Variants in OSM observed in about 807,000 individuals in gnomAD.
The protein encoded by OSM is oncostatin M, also known as oncostatin-M.
Under a neutral mutation model 6.3 loss-of-function variants are expected in OSM, and 1 was observed. That is an observed-to-expected ratio of 0.16 (90% CI 0.06 to 0.76). OSM has a LOEUF of 0.76. Ranked by LOEUF, OSM falls within the 30% of genes least tolerant of loss-of-function variation. The pLI is 0.77. For missense variants in OSM, 324 were observed against 336.9 expected (o/e 0.96, Z 0.30); for synonymous variants, 135 against 143.4 (o/e 0.94, Z 0.42).
rs1929275840 is a variant in OSM at position 30,262,953 on chromosome 22, C to G, written c.*930G>C. ...TAAAAATCGATAAATTAGTCATGTC[C>G]CTCCAAGGAACTGGCCTCGCAGTTT... On this transcript the variant is annotated 3_prime_UTR_variant, in exon 3 of 3. Transcript: ENST00000215781. 6.6e-6 allele frequency: 1 copy of G among 152,654 alleles called. No homozygotes were observed. Among genetic ancestry groups the G allele is most frequent in the Non-Finnish European group, 1.5e-5 (1 of 68,020 alleles). 9.5% of individuals were successfully genotyped at this position (152,654 alleles called of 1,614,324 possible).
In OSM at chr22:30,263,259, C is replaced by T. The variant is rs1220183306; in HGVS notation, c.*624G>A. On this transcript the variant is annotated 3_prime_UTR_variant, in exon 3 of 3. Transcript: ENST00000215781. ...ACTCCCTAGCTTCACAAAGAGAAAA[C>T]AGGTCCACAGAGGTAAAGTGACCTG... 1 of 152,820 alleles carries T rather than the reference C, an allele frequency of 6.5e-6. No homozygotes were observed. Among genetic ancestry groups the T allele is most frequent in the Non-Finnish European group, 1.5e-5 (1 of 68,080 alleles). 9.5% of individuals were successfully genotyped at this position (152,820 alleles called of 1,614,324 possible).
chr22:30,263,728 G>A lies in OSM; in HGVS notation c.*155C>T, dbSNP rs955160539. 1.4e-5 allele frequency: 7 copies of A among 515,730 alleles called. No homozygotes were observed. The highest frequency in any genetic ancestry group is 2.0e-5 in the Non-Finnish European group (6 of 303,724). 31.9% of individuals were successfully genotyped at this position (515,730 alleles called of 1,614,324 possible). On this transcript the variant is annotated 3_prime_UTR_variant, in exon 3 of 3. Coordinates refer to ENST00000215781, the MANE Select transcript of OSM (RefSeq NM_020530.6). ...GTCTCCCAGCCTGGAGGAGGTAGAGGGGTCTGCCCAGCTCCCACCTCTTAA... is the reference window on the plus strand; with the variant it reads ...GTCTCCCAGCCTGGAGGAGGTAGAGAGGTCTGCCCAGCTCCCACCTCTTAA...
At position 30,264,461 on chromosome 22, in the gene OSM, G is replaced by A. The variant is rs200818557; in HGVS notation, c.181C>T (p.Arg61Cys). Residue 61 changes from arginine to cysteine, a missense_variant, in exon 3 of 3, where the codon CGT (arginine) becomes TGT (cysteine). Physicochemically the swap from Arg to Cys is radical, Grantham distance 180. Coordinates refer to ENST00000215781, the MANE Select transcript of OSM (RefSeq NM_020530.6). The stretch of plus-strand genomic sequence containing the variant: ...TTAGGAACATCCAGGCCTTGGATAC[G>A]TATCTGGCGGGAACAGGAGGATCAC... ...DTSRLLDPYIRIQGLDVPKLR... is the reference protein window; with the variant it reads ...DTSRLLDPYICIQGLDVPKLR... 337 of 1,599,624 alleles carry A rather than the reference G, an allele frequency of 2.1e-4. 7 individuals are homozygous for A. The South Asian group carries it at 3.2e-3, about 15-fold the overall frequency.
In OSM at chr22:30,264,060, G is replaced by A; in HGVS notation, c.582C>T (p.Phe194=). The change falls in exon 3 of 3, where the codon TTC becomes TTT. Residue 194 remains phenylalanine (F), a synonymous_variant. Coordinates refer to ENST00000215781, the MANE Select transcript of OSM (RefSeq NM_020530.6). ...AFQRKLEGCR[F]LHGYHRFMHS... is the part of the protein sequence containing the mutation. Reference sequence around the variant, plus strand: ...GCATGAAGCGATGGTAGCCATGCAGGAACCTGCAGCCCTCCAGCTTGCGCT... The same window carrying A: ...GCATGAAGCGATGGTAGCCATGCAGAAACCTGCAGCCCTCCAGCTTGCGCT... 1 of 1,591,616 alleles carries A rather than the reference G, an allele frequency of 6.3e-7. No homozygotes were observed. Among genetic ancestry groups the A allele is most frequent in the Non-Finnish European group, 8.6e-7 (1 of 1,166,136 alleles).
rs1164309864 is a variant in OSM, at chr22:30,266,474, C to T, written c.34+292G>A. Among the ~76,000 whole-genome samples, 1 of 152,200 alleles carries T rather than the reference C, an allele frequency of 6.6e-6. No individual in the cohort carries two copies. Among genetic ancestry groups the T allele is most frequent in the Non-Finnish European group, 1.5e-5 (1 of 68,026 alleles). On this transcript the variant is annotated intron_variant, in intron 1 of 2. Transcript: ENST00000215781. The surrounding 1 kb of genome is among the most constrained non-coding windows in gnomAD (Gnocchi z 5.0). ...TGAGCCTCCCTCTCCTGCCCAGCCTCTTTGCCCATCCTATTCTCTCACCCC... is the reference window on the plus strand; with the variant it reads ...TGAGCCTCCCTCTCCTGCCCAGCCTTTTTGCCCATCCTATTCTCTCACCCC...
Position 30,264,003 on chromosome 22 carries a change from C to A in OSM, c.639G>T (p.Gly213=), listed in dbSNP as rs779182957. ...GTCTCCGGCTCCGGTTCGGGCTCTC[C>A]CCCCACTTGCTGAAGACCCGCCCCA... ...HSVGRVFSKW[G]ESPNRSRRHS... The change falls in exon 3 of 3, where the codon GGG becomes GGT. Residue 213 remains glycine (G), a synonymous_variant. Coordinates refer to ENST00000215781, the MANE Select transcript of OSM (RefSeq NM_020530.6). 1 of 1,558,244 alleles carries A rather than the reference C, an allele frequency of 6.4e-7. No homozygotes were observed. Among genetic ancestry groups the A allele is most frequent in the Non-Finnish European group, 8.7e-7 (1 of 1,150,392 alleles).
In OSM at chr22:30,265,193, G is replaced by A. The variant is rs376625562; in HGVS notation, c.35-49C>T. 6.3e-6 allele frequency: 10 copies of A among 1,583,752 alleles called. No individual in the cohort carries two copies. In the African/African-American group the frequency reaches 1.1e-4, roughly 17 times the overall value. ...ACCTGACTTGGTGAGGAAAGCCACA[G>A]ATGGGAGCCTCGGGGAGGGGGTTCA... On this transcript the variant is annotated intron_variant, in intron 1 of 2. Coordinates refer to ENST00000215781, the MANE Select transcript of OSM (RefSeq NM_020530.6).
At chr22:30,264,887 A>G in intron 2 of OSM, 115 bp downstream of exon 2, 1 of 1,274,246 alleles carries the variant, frequency 7.8e-7, no homozygotes, top group Non-Finnish European at 1.1e-6. Context: ...ATAGCGACTC[A>G]GTTCCCCGAC....
Position 30,262,945 on chromosome 22 carries a change from G to T in OSM, c.*938C>A, listed in dbSNP as rs1231374416. On this transcript the variant is annotated 3_prime_UTR_variant, in exon 3 of 3. Transcript: ENST00000215781. ...AAAATTGATAAAAATCGATAAATTAGTCATGTCCCTCCAAGGAACTGGCCT... is the reference window on the plus strand; with the variant it reads ...AAAATTGATAAAAATCGATAAATTATTCATGTCCCTCCAAGGAACTGGCCT... 6.5e-6 allele frequency: 1 copy of T among 152,782 alleles called. No homozygotes were observed. Among genetic ancestry groups the T allele is most frequent in the East Asian group, 1.9e-4 (1 of 5,342 alleles). The allele number at this position is 152,782 out of a possible 1,614,324, so 9.5% of individuals were successfully genotyped here. A position where few individuals can be genotyped will look rare whatever the true frequency, so the allele number is the denominator to read the frequency against.
Position 30,266,690 on chromosome 22 carries a change from G to A in OSM, c.34+76C>T. ...CCTCCCCAGTTCCCGGAGGGCAGAG[G>A]GTGCCTCTGCTCCCCACCGGCACCC... On this transcript the variant is annotated intron_variant, in intron 1 of 2. Coordinates refer to ENST00000215781, the MANE Select transcript of OSM (RefSeq NM_020530.6). The surrounding 1 kb of genome is among the most constrained non-coding windows in gnomAD (Gnocchi z 5.0). 6.5e-7 allele frequency: 1 copy of A among 1,541,686 alleles called. No individual in the cohort carries two copies. The highest frequency in any genetic ancestry group is 8.9e-7 in the Non-Finnish European group (1 of 1,118,570).
rs201921927 is a variant in OSM at position 30,265,070 on chromosome 22, C to T, written c.109G>A (p.Val37Met). 1.7e-5 allele frequency: 27 copies of T among 1,614,174 alleles called. No individual in the cohort carries two copies. The highest frequency in any genetic ancestry group is 8.9e-5 in the East Asian group (4 of 44,892). ...AIGSCSKEYR[V>M]LLGQLQKQTD... The stretch of plus-strand genomic sequence containing the variant: ...TGCTTCTGGAGCTGGCCAAGGAGCA[C>T]GCGGTACTCTTTCGAGCAGCTGCCT... The change falls in exon 2 of 3, where the codon GTG becomes ATG. Residue 37 changes from valine to methionine, a missense_variant. By Grantham distance (21) the Val-to-Met change is conservative. Coordinates refer to ENST00000215781, the MANE Select transcript of OSM (RefSeq NM_020530.6).
At chr22:30,264,891 C>T in intron 2 of OSM, 111 bp downstream of exon 2, 1 of 1,317,776 alleles carries the variant, frequency 7.6e-7, no homozygotes, top group Non-Finnish European at 1.1e-6. Context: ...CGACTCAGTT[C>T]CCCGACCTGG....
At chr22:30,264,727 G>T (rs1305194166) in intron 2 of OSM, among the ~76,000 whole-genome samples, 1 of 152,232 alleles carries the variant, frequency 6.6e-6, no homozygotes, top group African/African-American at 2.4e-5. Flanking sequence ...CTACGTCCCA[G>T]TGCCTAGACC....
Position 30,263,951 on chromosome 22 carries a change from C to T in OSM, c.691G>A (p.Gly231Arg), listed in dbSNP as rs201191214. Reference sequence around the variant, plus strand: ...CTGGAGGGTCTGGTCCTGCGCACCCCCTTCCTCAGGGCCTGGTGGGGGCTG... The same window carrying T: ...CTGGAGGGTCTGGTCCTGCGCACCCTCTTCCTCAGGGCCTGGTGGGGGCTG... ...RHSPHQALRK[G>R]VRRTRPSRKG... is the part of the protein sequence containing the mutation. Residue 231 changes from glycine (G) to arginine (R), a missense_variant, in exon 3 of 3, where the codon GGG becomes AGG. Physicochemically the swap from Gly to Arg is moderately radical, Grantham distance 125. Transcript: ENST00000215781. 10 of 1,525,390 alleles carry T rather than the reference C, an allele frequency of 6.6e-6. No individual in the cohort carries two copies. Among genetic ancestry groups the T allele is most frequent in the Non-Finnish European group, 8.8e-6 (10 of 1,138,152 alleles). 94.5% of individuals were successfully genotyped at this position (1,525,390 alleles called of 1,614,324 possible).
Position 30,264,413 on chromosome 22 carries a change from G to A in OSM, c.229C>T (p.Arg77Cys), listed in dbSNP as rs199694620. Residue 77 changes from arginine (R) to cysteine (C), a missense_variant, in exon 3 of 3, where the codon CGC becomes TGC. Transcript: ENST00000215781. ...TCCTCACTGGGGAAGGCCCCGGGGC[G>A]CTCCCTGCAGTGCTCTCTCAGTTTA... Reference protein sequence around the residue: ...VPKLREHCRERPGAFPSEETL... With the variant: ...VPKLREHCRECPGAFPSEETL... 1.1e-5 allele frequency: 18 copies of A among 1,613,532 alleles called. No homozygotes were observed. The highest frequency in any genetic ancestry group is 4.0e-5 in the African/African-American group (3 of 75,050).
Position 30,263,667 on chromosome 22 carries a change from C to T in OSM, c.*216G>A, listed in dbSNP as rs200353492. 4.3e-5 allele frequency: 18 copies of T among 416,096 alleles called. No homozygotes were observed. Among genetic ancestry groups the T allele is most frequent in the Admixed American group, 1.6e-4 (4 of 24,552 alleles). 25.8% of individuals were successfully genotyped at this position (416,096 alleles called of 1,614,324 possible). A position where few individuals can be genotyped will look rare whatever the true frequency, so the allele number is the denominator to read the frequency against. ...CGGCCACCCCACTGGGCCTGGGGAA[C>T]TTGGGGCTGAGGTGGGAGCGCAACA... On this transcript the variant is annotated 3_prime_UTR_variant, in exon 3 of 3. Transcript: ENST00000215781.
Position 30,264,380 on chromosome 22 carries a change from T to G in OSM, c.262A>C (p.Arg88=). ...AGGAAGCCCCGCCTGCCCAGCCCCCTCAGGGTCTCCTCACTGGGGAAGGCC... is the reference window on the plus strand; with the variant it reads ...AGGAAGCCCCGCCTGCCCAGCCCCCGCAGGGTCTCCTCACTGGGGAAGGCC... ...PGAFPSEETL[R]GLGRRGFLQT... The change falls in exon 3 of 3, where the codon AGG becomes CGG. Residue 88 remains arginine (R), a synonymous_variant. Coordinates refer to ENST00000215781, the MANE Select transcript of OSM (RefSeq NM_020530.6). 1 of 1,614,030 alleles carries G rather than the reference T, an allele frequency of 6.2e-7. No individual in the cohort carries two copies. Among genetic ancestry groups the G allele is most frequent in the Non-Finnish European group, 8.5e-7 (1 of 1,179,990 alleles).
rs182954100 is a variant in OSM, at chr22:30,264,716, G to A, written c.178-252C>T. Among the ~76,000 whole-genome samples the A allele has an allele frequency of 6.9e-4, 105 of 152,322 alleles. 1 individual carries two copies. In the Middle Eastern group the frequency reaches 0.01, roughly 15 times the overall value. ...AGGGCTGGACTCTGTCTTGCTCACTGCTACGTCCCAGTGCCTAGACCAGAG... is the reference window on the plus strand; with the variant it reads ...AGGGCTGGACTCTGTCTTGCTCACTACTACGTCCCAGTGCCTAGACCAGAG... On this transcript the variant is annotated intron_variant, in intron 2 of 2. Coordinates refer to ENST00000215781, the MANE Select transcript of OSM (RefSeq NM_020530.6).
Position 30,263,880 on chromosome 22 carries a change from AG to A in OSM, c.*2del. 3 of 1,494,182 alleles carry A rather than the reference AG, an allele frequency of 2.0e-6. No individual in the cohort carries two copies. The highest frequency in any genetic ancestry group is 2.7e-6 in the Non-Finnish European group (3 of 1,125,098). 92.6% of individuals were successfully genotyped at this position (1,494,182 alleles called of 1,614,324 possible). A position where few individuals can be genotyped will look rare whatever the true frequency, so the allele number is the denominator to read the frequency against. On this transcript the variant is annotated 3_prime_UTR_variant, in exon 3 of 3. Transcript: ENST00000215781. ...CCTTCACCGGCAAGGGGTGCTCTCGAGGCTACCGGGGCAGCTGTCCCCTGGT... is the reference window on the plus strand; with the variant it reads ...CCTTCACCGGCAAGGGGTGCTCTCGAGCTACCGGGGCAGCTGTCCCCTGGT...
Sources: allele counts gnomAD v4.1 joint callset (sites outside exome capture counted in the v4.1 genomes callset), GRCh38; gene constraint gnomAD v4.1.1; non-coding constraint Gnocchi (gnomAD v3.1); transcripts MANE v1.5; gene names NCBI Gene and HGNC (gene_info 2026-07-23, HGNC 2026-07-21).